The following RXRA variants were observed in gnomAD, a reference collection of about 807,000 sequenced individuals.
The protein encoded by RXRA is retinoid X receptor alpha, also known as retinoic acid receptor RXR-alpha.
RXRA carries 5 observed loss-of-function variants against 44.5 expected under a neutral mutation model. The ratio of observed to expected loss-of-function variants is 0.11; its 90% confidence interval spans 0.06 to 0.24. RXRA has a LOEUF of 0.24. Among genes scored for constraint, RXRA ranks in the 10% least tolerant of loss-of-function variants. The probability of loss-of-function intolerance (pLI) is 1.00; values close to 1 mark genes in which losing one functional copy is unlikely to be tolerated. For synonymous variants in RXRA, 291 were observed against 271.4 expected (o/e 1.07, Z -0.71); for missense variants, 412 against 646.5 (o/e 0.64, Z 3.93).
At chr9:134,424,223 C>T (rs1831396687) in intron 6 of RXRA, 1 of 985,388 alleles carries the variant, frequency 1.0e-6, no homozygotes, top group Non-Finnish European at 1.2e-6. Flanking sequence ...GGTGGGGGCT[C>T]CCCGCAAGGC....
At chr9:134,425,553 TGG>T (rs1189339958) in intron 6 of RXRA, 10 of 138,264 alleles carry the variant, frequency 7.2e-5, no homozygotes, top group Non-Finnish European at 6.9e-5. Flanking sequence ...GGGTGGGGGG[TGG>T]GGGGGGGTGA....
intron 1 of RXRA, among the ~76,000 whole-genome samples, chr9:134,330,728 C>G (rs1329913465): frequency 6.6e-6 from 1 of 152,236 alleles, no homozygotes; most frequent in Non-Finnish European, 1.5e-5. Flanking sequence ...TGTCCCATTG[C>G]TGGGCGGGTG....
chr9:134,438,037 C>A lies in RXRA; in HGVS notation c.*1423C>A, dbSNP rs954070894. ...GTGCGGGGCCCTCTCAGGTTGAACT[C>A]GCCTCTTTTGCACTGGAAGGCCCTC... is the stretch of plus-strand genomic sequence containing the variant. On this transcript the variant is annotated 3_prime_UTR_variant, in exon 10 of 10. Coordinates refer to ENST00000481739, the MANE Select transcript of RXRA (RefSeq NM_002957.6). The A allele has an allele frequency of 6.6e-6, 1 of 152,616 alleles. No homozygotes were observed. Among genetic ancestry groups the A allele is most frequent in the Non-Finnish European group, 1.5e-5 (1 of 68,192 alleles). The allele number at this position is 152,616 out of a possible 1,614,324, so 9.5% of individuals were successfully genotyped here. A position where few individuals can be genotyped will look rare whatever the true frequency, so the allele number is the denominator to read the frequency against.
intron 1 of RXRA, among the ~76,000 whole-genome samples, chr9:134,351,995 C>T (rs1554749547): frequency 6.6e-6 from 1 of 152,184 alleles, no homozygotes; most frequent in East Asian, 1.9e-4. Context: ...GTTGAGAGTC[C>T]TACCAAGTTT....
Position 134,434,089 on chromosome 9 carries a change from T to A in RXRA, c.1136-13T>A. ...CCAGCTGAGGGTTCTGACCTGTGGC[T>A]TCTTCCTTTCAGACTCCAAGGGGCT... On this transcript the variant is annotated splice_polypyrimidine_tract_variant and intron_variant, in intron 8 of 9. Coordinates refer to ENST00000481739, the MANE Select transcript of RXRA (RefSeq NM_002957.6). 1 of 1,608,244 alleles carries A rather than the reference T, an allele frequency of 6.2e-7. No individual in the cohort carries two copies. The highest frequency in any genetic ancestry group is 8.5e-7 in the Non-Finnish European group (1 of 1,175,568).
chr9:134,416,427 G>A (rs1588299073), intron 4 of RXRA, among the ~76,000 whole-genome samples: 1 of 152,166 alleles, frequency 6.6e-6, no homozygotes, highest in South Asian at 2.1e-4. Flanking sequence ...TCGGCTTCTG[G>A]TTCCCCCCGA....
intron 1 of RXRA, among the ~76,000 whole-genome samples, chr9:134,355,756 G>A (rs754096256): frequency 1.8e-4 from 28 of 152,188 alleles, no homozygotes; most frequent in Non-Finnish European, 3.5e-4. Context: ...CTTGCCACAC[G>A]TTGGAGGCAG....
At chr9:134,399,027 G>A (rs1363769468) in intron 1 of RXRA, among the ~76,000 whole-genome samples, 1 of 152,276 alleles carries the variant, frequency 6.6e-6, no homozygotes, top group African/African-American at 2.4e-5. Context: ...GGAGGGCCCA[G>A]CCCTGGTCCA....
At chr9:134,429,041 G>A in intron 6 of RXRA, 67 bp from the exon 7 acceptor site, 1 of 1,590,116 alleles carries the variant, frequency 6.3e-7, no homozygotes, top group South Asian at 1.1e-5. Flanking sequence ...GTCCCACCAG[G>A]GGCTGGGGAA....
chr9:134,379,878 G>A (rs1437156512), intron 1 of RXRA: 1 of 985,188 alleles, frequency 1.0e-6, no homozygotes, highest in Non-Finnish European at 1.2e-6. Flanking sequence ...GGCGGCTCCA[G>A]CCCCCTCTCC....
intron 1 of RXRA, among the ~76,000 whole-genome samples, chr9:134,350,752 TG>T (rs1228146161): frequency 1.3e-5 from 2 of 151,756 alleles, no homozygotes; most frequent in African/African-American, 4.8e-5. Flanking sequence ...TGGGTGGGGG[TG>T]GGGATTGGGC....
At position 134,407,129 on chromosome 9, in the gene RXRA, A is replaced by G. The variant is rs1430991287; in HGVS notation, c.280-1020A>G. 6.6e-6 allele frequency among the ~76,000 whole-genome samples: 1 copy of G among 152,244 alleles called. No individual in the cohort carries two copies. The highest frequency in any genetic ancestry group is 1.5e-5 in the Non-Finnish European group (1 of 68,044). On this transcript the variant is annotated intron_variant, in intron 2 of 9. Transcript: ENST00000481739. The surrounding 1 kb of genome is among the most constrained non-coding windows in gnomAD (Gnocchi z 4.8). Reference sequence around the variant, plus strand: ...GAGGAAGAACCTAGAAGCCAGAACAAGCTGGGGCTGGAAGACTCATTCCAG... The same window carrying G: ...GAGGAAGAACCTAGAAGCCAGAACAGGCTGGGGCTGGAAGACTCATTCCAG...
intron 3 of RXRA, 136 bp from the exon 4 acceptor site, chr9:134,408,804 C>A: frequency 1.2e-6 from 1 of 809,646 alleles, no homozygotes; most frequent in East Asian, 2.9e-5. Flanking sequence ...AGTCTGAGCC[C>A]AGGCAGGGGT....
At chr9:134,340,998 C>T (rs927280292) in intron 1 of RXRA, among the ~76,000 whole-genome samples, 10 of 152,178 alleles carry the variant, frequency 6.6e-5, no homozygotes, top group African/African-American at 1.7e-4. Flanking sequence ...GCAAGCGGGG[C>T]GAGCTGACAG....
chr9:134,429,119 C>T lies in RXRA; in HGVS notation c.922C>T (p.Leu308=). 1.9e-6 allele frequency: 3 copies of T among 1,613,030 alleles called. No homozygotes were observed. The South Asian group carries it at 3.3e-5, about 18-fold the overall frequency. Residue 308 remains leucine, a synonymous_variant, in exon 7 of 10, where the codon CTG becomes TTG. Transcript: ENST00000481739. ...TGCCTCCTCCCCAGGCTGGAATGAG[C>T]TGCTCATCGCCTCCTTCTCCCACCG... The part of the protein sequence containing the change: ...VILLRAGWNE[L]LIASFSHRSI...
At chr9:134,425,547 GGGGGGT>G in intron 6 of RXRA, 2 of 797,248 alleles carry the variant, frequency 2.5e-6, no homozygotes, top group Non-Finnish European at 1.5e-6. Flanking sequence ...GCGGCAGGGT[GGGGGGT>G]GGGGGGGGGT....
intron 4 of RXRA, among the ~76,000 whole-genome samples, chr9:134,409,785 C>T (rs1831118182): frequency 1.3e-5 from 2 of 152,312 alleles, no homozygotes; most frequent in South Asian, 4.1e-4. Flanking sequence ...ATGGTTTGCA[C>T]ACACGTTTGG....
intron 6 of RXRA, chr9:134,422,190 C>G: frequency 7.8e-7 from 1 of 1,287,880 alleles, no homozygotes; most frequent in Non-Finnish European, 1.0e-6. Context: ...GGACACACTT[C>G]CCCCTCCAGG....
chr9:134,338,345 G>A (rs906473740), intron 1 of RXRA, among the ~76,000 whole-genome samples: 2 of 152,224 alleles, frequency 1.3e-5, no homozygotes, highest in South Asian at 2.1e-4. Flanking sequence ...CAGCTGTGGC[G>A]CTGAAAGGGC....
Sources: gnomAD v4.1 joint callset for allele counts (sites outside exome capture counted in the v4.1 genomes callset) on GRCh38, gnomAD v4.1.1 for gene constraint, Gnocchi (gnomAD v3.1) non-coding constraint, MANE v1.5 for transcripts, NCBI Gene and HGNC (gene_info 2026-07-23, HGNC 2026-07-21) for gene names.